The following FHAD1 variants were observed in gnomAD, a reference collection of about 807,000 sequenced individuals.
The protein encoded by FHAD1 is forkhead associated phosphopeptide binding domain 1.
Under a neutral mutation model 191.3 loss-of-function variants are expected in FHAD1, and 146 were observed. The ratio of observed to expected loss-of-function variants is 0.76; its 90% confidence interval spans 0.67 to 0.88. FHAD1 has a LOEUF of 0.88. Among genes scored for constraint, FHAD1 ranks in the 40% least tolerant of loss-of-function variants. The pLI, the probability that FHAD1 is intolerant of heterozygous loss-of-function variation, is 0.00. For synonymous variants in FHAD1, 616 were observed against 672.3 expected (o/e 0.92, Z 1.29); for missense variants, 1,635 against 1,785.8 (o/e 0.92, Z 1.52).
intron 14 of FHAD1, among the ~76,000 whole-genome samples, chr1:15,337,651 G>A (rs969522791): frequency 2.0e-5 from 3 of 152,080 alleles, no homozygotes; most frequent in Non-Finnish European, 4.4e-5. Context: ...CAACAGCAAA[G>A]ACTTGACAAT....
At chr1:15,349,737 G>T (rs1690166108) in intron 19 of FHAD1, among the ~76,000 whole-genome samples, 1 of 152,218 alleles carries the variant, frequency 6.6e-6, no homozygotes, top group African/African-American at 2.4e-5. Context: ...TAAGCCCCAG[G>T]GATCAGTGCC....
rs146913192 is a variant in FHAD1, at chr1:15,381,889, T to C, written c.4023-139T>C. The C allele has an allele frequency of 4.8e-5, 44 of 909,222 alleles. No homozygotes were observed. The African/African-American group carries it at 7.5e-4, about 15-fold the overall frequency. The allele number at this position is 909,222 out of a possible 1,614,324, so 56.3% of individuals were successfully genotyped here. A position where few individuals can be genotyped will look rare whatever the true frequency, so the allele number is the denominator to read the frequency against. The stretch of plus-strand genomic sequence containing the variant: ...CTGCTCTCTGTACCCCAAATCTTCG[T>C]CATGCTCTCCTGCTTGTGATGACAC... On this transcript the variant is annotated intron_variant, in intron 30 of 33. Transcript: ENST00000688493. The surrounding 1 kb of genome is among the most constrained non-coding windows in gnomAD (Gnocchi z 4.6).
Position 15,308,743 on chromosome 1 carries a change from C to G in FHAD1, c.1039+7C>G. On this transcript the variant is annotated splice_region_variant and intron_variant, in intron 7 of 33. Transcript: ENST00000688493. ...GACAACGCTATCACATCAGGTGAGC[C>G]CTTGGAGTCGGGCCTGGGAGCTGCC... 6.4e-7 allele frequency: 1 copy of G among 1,551,598 alleles called. No homozygotes were observed. The highest frequency in any genetic ancestry group is 8.7e-7 in the Non-Finnish European group (1 of 1,146,946).
At chr1:15,258,105 G>T (rs533797677) in intron 2 of FHAD1, among the ~76,000 whole-genome samples, 3 of 152,216 alleles carry the variant, frequency 2.0e-5, no homozygotes, top group African/African-American at 7.2e-5. Flanking sequence ...GCCTCCCAAA[G>T]TGCTGGGCTT....
chr1:15,351,365 TAAAA>T (rs1252055313), intron 19 of FHAD1, among the ~76,000 whole-genome samples: 1 of 151,984 alleles, frequency 6.6e-6, no homozygotes, highest in African/African-American at 2.4e-5. Flanking sequence ...AAAATTAAAA[TAAAA>T]AAATTTTTTT....
rs1688534793 is a variant in FHAD1, at chr1:15,345,505, C to T, written c.2328C>T (p.Arg776=). The T allele has an allele frequency of 6.4e-7, 1 of 1,551,896 alleles. No individual in the cohort carries two copies. Among genetic ancestry groups the T allele is most frequent in the Admixed American group, 2.0e-5 (1 of 50,994 alleles). ...CAAGAGTCCAAGAGCTGGAGGAACG[C>T]TTGGCCCGCCAGAAGGAGGTACGCT... ...EQTRVQELEE[R]LARQKEVLES... is the part of the protein sequence containing the mutation. Residue 776 remains arginine, a synonymous_variant, in exon 18 of 34, where the codon CGC becomes CGT. Transcript: ENST00000688493.
chr1:15,250,444 G>A (rs1340143174), intron 1 of FHAD1, among the ~76,000 whole-genome samples: 1 of 152,228 alleles, frequency 6.6e-6, no homozygotes, highest in Non-Finnish European at 1.5e-5. Context: ...GTAGAATCTA[G>A]TGGTGGGTAC....
chr1:15,317,998 C>T (rs1574291276), intron 10 of FHAD1, 70 bp downstream of exon 10: 2 of 989,458 alleles, frequency 2.0e-6, no homozygotes, highest in East Asian at 2.6e-5. Flanking sequence ...CCTGTTAGTC[C>T]TCTAAGTGGA....
chr1:15,392,753 C>T (rs951746008), intron 33 of FHAD1, among the ~76,000 whole-genome samples: 4 of 152,156 alleles, frequency 2.6e-5, no homozygotes, highest in Admixed American at 6.5e-5. Flanking sequence ...CAAGGCCCTA[C>T]GGGTTTTTGT....
intron 33 of FHAD1, among the ~76,000 whole-genome samples, chr1:15,396,471 T>C (rs1257470282): frequency 6.6e-6 from 1 of 152,200 alleles, no homozygotes; most frequent in Non-Finnish European, 1.5e-5. Flanking sequence ...TGTGTGTGTA[T>C]ATATATATTT....
At chr1:15,398,860 G>A (rs1373482688), downstream of FHAD1, among the ~76,000 whole-genome samples, 2 of 148,860 alleles carry the variant, frequency 1.3e-5, no homozygotes, top group South Asian at 2.1e-4. Flanking sequence ...CACTCTGGTC[G>A]CCCAGGCTGG....
intron 2 of FHAD1, among the ~76,000 whole-genome samples, chr1:15,258,570 A>G (rs1478236695): frequency 6.7e-6 from 1 of 149,446 alleles, no homozygotes; most frequent in African/African-American, 2.5e-5. Flanking sequence ...GAGTGTCCAG[A>G]TATCTCTGTC....
chr1:15,346,714 G>A (rs922290244), intron 18 of FHAD1, among the ~76,000 whole-genome samples: 5 of 152,234 alleles, frequency 3.3e-5, no homozygotes, highest in African/African-American at 1.2e-4. Context: ...TTTCACATCT[G>A]CTTTCATGAA....
intron 33 of FHAD1, among the ~76,000 whole-genome samples, chr1:15,394,221 G>A (rs1016494038): frequency 8.5e-5 from 13 of 152,082 alleles, no homozygotes; most frequent in South Asian, 4.1e-4. Context: ...AGCCCCTTCC[G>A]TGGTGCTTCC....
At chr1:15,321,831 A>C (rs1477659134) in intron 10 of FHAD1, among the ~76,000 whole-genome samples, 1 of 152,226 alleles carries the variant, frequency 6.6e-6, no homozygotes, top group Non-Finnish European at 1.5e-5. Flanking sequence ...ATGTGTGTGT[A>C]TGCATGTGTA....
rs1056787386 is a variant in FHAD1 at position 15,393,627 on chromosome 1, G to A, written c.4323+2364G>A. Among the ~76,000 whole-genome samples, 22 of 150,400 alleles carry A rather than the reference G, an allele frequency of 1.5e-4. 2 individuals are homozygous for A. The South Asian group carries it at 3.8e-3, about 26-fold the overall frequency. ...TTGGGCTTTTTTTTTTTTGGAGACC[G>A]TGTCTTGCTCTGTGGTCCAGGCTGT... is the stretch of plus-strand genomic sequence containing the variant. On this transcript the variant is annotated intron_variant, in intron 33 of 33. Transcript: ENST00000688493.
intron 31 of FHAD1, chr1:15,384,597 G>T (rs2103027657): frequency 6.6e-6 from 1 of 152,320 alleles, no homozygotes; most frequent in East Asian, 1.9e-4. Flanking sequence ...GGCCTCCCTA[G>T]GCACACACAA....
At chr1:15,270,794 C>A (rs1275459025) in intron 2 of FHAD1, among the ~76,000 whole-genome samples, 1 of 151,876 alleles carries the variant, frequency 6.6e-6, no homozygotes, top group African/African-American at 2.4e-5. Flanking sequence ...GTAATCCCAG[C>A]ACTTTAGGAG....
chr1:15,323,936 AT>A (rs1159319443), intron 10 of FHAD1, among the ~76,000 whole-genome samples: 20 of 152,154 alleles, frequency 1.3e-4, no homozygotes, highest in Non-Finnish European at 1.5e-4. Flanking sequence ...AGCAGTTAAC[AT>A]TTACCAAGTG....
Sources: gnomAD v4.1 joint callset for allele counts (sites outside exome capture counted in the v4.1 genomes callset) on GRCh38, gnomAD v4.1.1 for gene constraint, Gnocchi (gnomAD v3.1) non-coding constraint, MANE v1.5 for transcripts, NCBI Gene and HGNC (gene_info 2026-07-23, HGNC 2026-07-21) for gene names.